The following CDH10 variants were observed in gnomAD, a reference collection of about 807,000 sequenced individuals.
CDH10 encodes the protein cadherin-10.
Under a neutral mutation model 73.1 loss-of-function variants are expected in CDH10, and 30 were observed. That is an observed-to-expected ratio of 0.41 (90% CI 0.31 to 0.56). The LOEUF is 0.56. Among genes scored for constraint, CDH10 ranks in the 20% least tolerant of loss-of-function variants. The pLI is 0.27. For synonymous variants in CDH10, 345 were observed against 348.2 expected, an observed-to-expected ratio of 0.99 and a Z score of 0.10; for missense variants, 815 against 973.7, an observed-to-expected ratio of 0.84 and a Z score of 2.17.
rs1215815456 is a variant in CDH10, at chr5:24,505,205, T to A, written c.1300A>T (p.Ile434Phe). 1 of 1,612,600 alleles carries A rather than the reference T, an allele frequency of 6.2e-7. No homozygotes were observed. Among genetic ancestry groups the A allele is most frequent in the Non-Finnish European group, 8.5e-7 (1 of 1,178,870 alleles). The change falls in exon 8 of 12, where the codon ATT becomes TTT. Residue 434 changes from isoleucine to phenylalanine, a missense_variant. Physicochemically the swap from Ile to Phe is conservative, Grantham distance 21. Transcript: ENST00000264463. ...RHTDLDRIFN[I>F]HSGNGSLYTS... is the part of the protein sequence containing the mutation. ...TAAAGAGATCCATTTCCTGAATGAATGTTAAAGATTCTGTCAAGGTCAGTA... is the reference window on the plus strand; with the variant it reads ...TAAAGAGATCCATTTCCTGAATGAAAGTTAAAGATTCTGTCAAGGTCAGTA...
In CDH10 at chr5:24,487,558, T is replaced by C; in HGVS notation, c.*105A>G. On this transcript the variant is annotated 3_prime_UTR_variant, in exon 12 of 12. Transcript: ENST00000264463. Reference sequence around the variant, plus strand: ...ATTAAGAAGTAAATGAGAAAAAAAATTGTGCTGACTGGCAGGAAAATGCTC... The same window carrying C: ...ATTAAGAAGTAAATGAGAAAAAAAACTGTGCTGACTGGCAGGAAAATGCTC... The C allele has an allele frequency of 9.2e-7, 1 of 1,090,010 alleles. No individual in the cohort carries two copies. Among genetic ancestry groups the C allele is most frequent in the South Asian group, 1.6e-5 (1 of 62,572 alleles). 67.5% of individuals were successfully genotyped at this position (1,090,010 alleles called of 1,614,324 possible). A position where few individuals can be genotyped will look rare whatever the true frequency, so the allele number is the denominator to read the frequency against.
chr5:24,598,525 G>C (rs978983778), intron 1 of CDH10, among the ~76,000 whole-genome samples: 22 of 148,116 alleles, frequency 1.5e-4, no homozygotes, highest in African/African-American at 5.5e-4. Flanking sequence ...AAAGAAACTT[G>C]CTTTGTTGTT....
At chr5:24,554,117 G>GAGATAGAGAGAGAGA (rs1377523348) in intron 2 of CDH10, 1 of 41,840 alleles carries the variant, frequency 2.4e-5, no homozygotes, top group Non-Finnish European at 5.4e-5. Flanking sequence ...TGGGCGGGGG[G>GAGATAGAGAGAGAGA]GGGAGAGAGA....
At chr5:24,641,409 C>A in intron 1 of CDH10, among the ~76,000 whole-genome samples, 1 of 151,858 alleles carries the variant, frequency 6.6e-6, no homozygotes, top group Non-Finnish European at 1.5e-5. Context: ...TATATGAATG[C>A]TCCGTGAATA....
At chr5:24,543,749 G>A (rs1433744944) in intron 2 of CDH10, among the ~76,000 whole-genome samples, 1 of 152,088 alleles carries the variant, frequency 6.6e-6, no homozygotes, top group African/African-American at 2.4e-5. Context: ...TCAGAAAGCA[G>A]CTGAAAGCAT....
chr5:24,606,306 C>T (rs1325502367), intron 1 of CDH10, among the ~76,000 whole-genome samples: 2 of 152,122 alleles, frequency 1.3e-5, no homozygotes, highest in Non-Finnish European at 2.9e-5. Context: ...TATCATCTAA[C>T]ACCTGCTAAG....
intron 9 of CDH10, among the ~76,000 whole-genome samples, chr5:24,496,718 T>G (rs2111673241): frequency 6.6e-6 from 1 of 152,310 alleles, no homozygotes; most frequent in South Asian, 2.1e-4. Flanking sequence ...CCTGACATTC[T>G]TCTGCTTTCC....
At position 24,557,203 on chromosome 5, in the gene CDH10, T is replaced by TTA. The variant is rs1554021156; in HGVS notation, c.232-19530_232-19529insTA. ...TAGAATTATTAACATCAGTTTTTTT[T>TTA]AATTACTTACTATAATTTAGATTAT... is the stretch of plus-strand genomic sequence containing the variant. On this transcript the variant is annotated intron_variant, in intron 2 of 11. Transcript: ENST00000264463. Among the ~76,000 whole-genome samples, 416 of 151,432 alleles carry TTA rather than the reference T, an allele frequency of 2.7e-3. 1 individual carries two copies. The highest frequency in any genetic ancestry group is 4.2e-3 in the Non-Finnish European group (287 of 67,602).
intron 1 of CDH10, among the ~76,000 whole-genome samples, chr5:24,613,735 C>T (rs1008084246): frequency 8.5e-5 from 13 of 152,132 alleles, no homozygotes; most frequent in African/African-American, 3.1e-4. Context: ...TTCTCATGAA[C>T]ATATATTCTG....
At chr5:24,556,716 T>A (rs1744781070) in intron 2 of CDH10, among the ~76,000 whole-genome samples, 1 of 148,180 alleles carries the variant, frequency 6.7e-6, no homozygotes, top group Non-Finnish European at 1.5e-5. Flanking sequence ...TAGAGAATTA[T>A]AAGAAACAGA....
intron 9 of CDH10, among the ~76,000 whole-genome samples, chr5:24,498,032 A>T (rs1742355088): frequency 6.6e-6 from 1 of 152,072 alleles, no homozygotes; most frequent in African/African-American, 2.4e-5. Flanking sequence ...TTTCCACAGC[A>T]TTCGTCTCTC....
At chr5:24,634,017 A>G (rs1747790046) in intron 1 of CDH10, among the ~76,000 whole-genome samples, 1 of 151,904 alleles carries the variant, frequency 6.6e-6, no homozygotes, top group African/African-American at 2.4e-5. Context: ...AAATGGGTCA[A>G]TACTTCAAAA....
chr5:24,604,097 G>C (rs551654505), intron 1 of CDH10, among the ~76,000 whole-genome samples: 2 of 152,060 alleles, frequency 1.3e-5, no homozygotes, highest in African/African-American at 4.8e-5. Flanking sequence ...TCCTGTATTC[G>C]AAACCCTTTG....
At chr5:24,589,629 G>T (rs1254557896) in intron 2 of CDH10, among the ~76,000 whole-genome samples, 1 of 151,776 alleles carries the variant, frequency 6.6e-6, no homozygotes, top group African/African-American at 2.4e-5. Flanking sequence ...TAGAATTAGT[G>T]ATTTGCTTAG....
At chr5:24,583,204 T>TA (rs35552025) in intron 2 of CDH10, among the ~76,000 whole-genome samples, 131,500 of 144,156 alleles carry the variant, frequency 0.91, 60,164 homozygotes, top group Non-Finnish European at 0.95. Flanking sequence ...ATTTTTTAGT[T>TA]AAAAAAAAAA....
At position 24,511,512 on chromosome 5, in the gene CDH10, T is replaced by G; in HGVS notation, c.817A>C (p.Thr273Pro). The G allele has an allele frequency of 6.5e-7, 1 of 1,527,798 alleles. No homozygotes were observed. Among genetic ancestry groups the G allele is most frequent in the South Asian group, 1.1e-5 (1 of 88,972 alleles). The allele number at this position is 1,527,798 out of a possible 1,614,324, so 94.6% of individuals were successfully genotyped here. A position where few individuals can be genotyped will look rare whatever the true frequency, so the allele number is the denominator to read the frequency against. ...GATTCAAGAACTCGAAGATGAATAG[T>G]GTCTGTAAAGTATAAAGAAAAGAAG... ...NDNPPRFPQN[T>P]IHLRVLESSP... is the part of the protein sequence containing the mutation. The change falls in exon 6 of 12, where the codon ACT becomes CCT. Residue 273 changes from threonine to proline, a missense_variant and splice_region_variant. Around this residue, in one of 3 missense-constraint regions of CDH10, gnomAD observed 516 missense variants for 636.6 expected, o/e 0.81. Coordinates refer to ENST00000264463, the MANE Select transcript of CDH10 (RefSeq NM_006727.5).
intron 5 of CDH10, among the ~76,000 whole-genome samples, chr5:24,534,401 A>G (rs1157375731): frequency 6.6e-6 from 1 of 152,050 alleles, no homozygotes; most frequent in Non-Finnish European, 1.5e-5. Flanking sequence ...GAGACTTGAT[A>G]CCATCCTCTT....
At chr5:24,517,805 G>C (rs547893357) in intron 5 of CDH10, among the ~76,000 whole-genome samples, 61 of 152,112 alleles carry the variant, frequency 4.0e-4, no homozygotes, top group Admixed American at 1.1e-3. Flanking sequence ...TATTTTTATG[G>C]CCTCTTGAAG....
At chr5:24,563,873 T>C (rs147858608) in intron 2 of CDH10, among the ~76,000 whole-genome samples, 4 of 152,096 alleles carry the variant, frequency 2.6e-5, no homozygotes, top group African/African-American at 7.2e-5. Context: ...TATATCTGTA[T>C]AGAATAATGG....
Sources: gnomAD v4.1 joint callset for allele counts (sites outside exome capture counted in the v4.1 genomes callset) on GRCh38, gnomAD v4.1.1 for gene constraint, gnomAD v4.1.1 regional missense constraint, MANE v1.5 for transcripts, NCBI Gene and HGNC (gene_info 2026-07-23, HGNC 2026-07-21) for gene names.